NOX4: variants seen among roughly 807,000 people sequenced by gnomAD.
NOX4 encodes the protein kidney oxidase-1.
A neutral mutation model predicts 87.6 loss-of-function variants in NOX4; 69 were observed. The ratio of observed to expected loss-of-function variants is 0.79; its 90% CI spans 0.65 to 0.96. The LOEUF is 0.96. Among genes scored for constraint, NOX4 ranks in the 40% least tolerant of loss-of-function variants. The pLI, the probability that NOX4 is intolerant of heterozygous loss-of-function variation, is 0.00. For synonymous variants in NOX4, 275 were observed against 238.2 expected (o/e 1.15, Z -1.42); for missense variants, 680 against 681.5 (o/e 1.00, Z 0.02).
chr11:89,399,313 A>G (rs1002379562), intron 11 of NOX4, among the ~76,000 whole-genome samples: 2 of 150,256 alleles, frequency 1.3e-5, no homozygotes, highest in African/African-American at 4.9e-5. Context: ...TTTCCACCTC[A>G]ACCCAGAGTA....
At chr11:89,489,139 T>A in intron 2 of NOX4, 1 of 560,492 alleles carries the variant, frequency 1.8e-6, no homozygotes, top group Non-Finnish European at 3.1e-6. Context: ...TATAAAAAAT[T>A]AATTAATTAA....
Position 89,440,717 on chromosome 11 carries a change from T to C in NOX4, c.448-2A>G, listed in dbSNP as rs559682217. On this transcript the variant is annotated splice_acceptor_variant, in intron 5 of 17. Coordinates refer to ENST00000263317, the MANE Select transcript of NOX4 (RefSeq NM_016931.5). LOFTEE classifies it high-confidence loss of function. Reference sequence around the variant, plus strand: ...TGTGAAGAGAAGTTTTCTAGGATCCTGAGAAAAAGAAAAAAAAATAAATGA... The same window carrying C: ...TGTGAAGAGAAGTTTTCTAGGATCCCGAGAAAAAGAAAAAAAAATAAATGA... 1.4e-5 allele frequency: 21 copies of C among 1,517,262 alleles called. No individual in the cohort carries two copies. The South Asian group carries it at 1.9e-4, about 14-fold the overall frequency. 94.0% of individuals were successfully genotyped at this position (1,517,262 alleles called of 1,614,324 possible). A position where few individuals can be genotyped will look rare whatever the true frequency, so the allele number is the denominator to read the frequency against.
chr11:89,473,464 C>CA (rs57686439), intron 2 of NOX4, among the ~76,000 whole-genome samples: 11,816 of 141,808 alleles, frequency 0.083, 692 homozygotes, highest in South Asian at 0.23. Context: ...CCTGAATAAA[C>CA]AAAAAAAAAA....
Position 89,326,966 on chromosome 11 carries a change from T to C in NOX4, c.1617-90A>G, listed in dbSNP as rs1464725931. The C allele has an allele frequency of 2.5e-6, 3 of 1,207,662 alleles. No homozygotes were observed. The African/African-American group carries it at 4.7e-5, about 19-fold the overall frequency. 74.8% of individuals were successfully genotyped at this position (1,207,662 alleles called of 1,614,324 possible). On this transcript the variant is annotated intron_variant, in intron 17 of 17. Transcript: ENST00000263317. ...TGCTTTATGAGCATGGTTTAAAGTA[T>C]TAACAAAGTTGATTTCTTGCTATTT... is the stretch of plus-strand genomic sequence containing the variant.
At chr11:89,525,279 G>A in the NOX4 span, among the ~76,000 whole-genome samples, 5 of 152,116 alleles carry the variant, frequency 3.3e-5, no homozygotes, top group African/African-American at 7.2e-5. Context: ...TATGTTTAAC[G>A]TTATAAGAAA....
At chr11:89,530,732 G>A in the NOX4 span, among the ~76,000 whole-genome samples, 2 of 151,926 alleles carry the variant, frequency 1.3e-5, no homozygotes, top group African/African-American at 4.8e-5. Context: ...CTCCTTCCTG[G>A]CCAGAGTTAA....
intron 12 of NOX4, among the ~76,000 whole-genome samples, chr11:89,360,319 C>A (rs1024016741): frequency 2.6e-5 from 4 of 151,968 alleles, no homozygotes; most frequent in African/African-American, 9.7e-5. Context: ...GAAAAGACAC[C>A]GTTGCCAAGT....
At chr11:89,369,351 C>A (rs1470072575) in intron 12 of NOX4, among the ~76,000 whole-genome samples, 1 of 151,988 alleles carries the variant, frequency 6.6e-6, no homozygotes, top group Non-Finnish European at 1.5e-5. Flanking sequence ...GGCTAAGTGG[C>A]AGGAGATAGA....
At chr11:89,404,551 T>C (rs1368330491) in intron 8 of NOX4, among the ~76,000 whole-genome samples, 1 of 152,152 alleles carries the variant, frequency 6.6e-6, no homozygotes, top group Non-Finnish European at 1.5e-5. Flanking sequence ...GGGAAATGTA[T>C]ATGCATTTTA....
chr11:89,427,579 A>G (rs1252784142), intron 7 of NOX4, among the ~76,000 whole-genome samples: 1 of 152,218 alleles, frequency 6.6e-6, no homozygotes, highest in African/African-American at 2.4e-5. Flanking sequence ...GACGAATGAC[A>G]AGCTTCAGTA....
rs1945199214 is a variant in NOX4 at position 89,325,865 on chromosome 11, GA to G, written c.*890del. ...TAGAGACAAAAATGCTGAAAAAAGG[GA>G]AAAGTTATTAGTATATGTGTATATA... On this transcript the variant is annotated 3_prime_UTR_variant, in exon 18 of 18. Transcript: ENST00000263317. The G allele has an allele frequency of 6.8e-6, 1 of 147,306 alleles. No individual in the cohort carries two copies. The highest frequency in any genetic ancestry group is 2.5e-5 in the African/African-American group (1 of 40,084). 9.1% of individuals were successfully genotyped at this position (147,306 alleles called of 1,614,324 possible).
the NOX4 span, among the ~76,000 whole-genome samples, chr11:89,578,941 G>A: frequency 5.9e-5 from 9 of 152,236 alleles, no homozygotes; most frequent in East Asian, 1.5e-3. Context: ...TAAACAAATT[G>A]CAGCACTTAC....
At chr11:89,353,297 T>C (rs1937703797) in intron 13 of NOX4, among the ~76,000 whole-genome samples, 1 of 152,266 alleles carries the variant, frequency 6.6e-6, no homozygotes, top group African/African-American at 2.4e-5. Context: ...AAGAGCCAAC[T>C]GATGCAGCAA....
At chr11:89,506,940 CAT>C in the NOX4 span, among the ~76,000 whole-genome samples, 2 of 151,806 alleles carry the variant, frequency 1.3e-5, no homozygotes, top group African/African-American at 2.4e-5. Flanking sequence ...CTGGTATACT[CAT>C]ACAATGCAAT....
the NOX4 span, among the ~76,000 whole-genome samples, chr11:89,547,141 C>T: frequency 6.6e-6 from 1 of 152,026 alleles, no homozygotes; most frequent in Non-Finnish European, 1.5e-5. Flanking sequence ...TCATCCTTTC[C>T]CCAAATGACC....
chr11:89,572,757 G>A, the NOX4 span, among the ~76,000 whole-genome samples: 2 of 151,798 alleles, frequency 1.3e-5, no homozygotes, highest in Admixed American at 1.3e-4. Flanking sequence ...CAACCTTTCT[G>A]TATTTTCTTT....
intron 11 of NOX4, among the ~76,000 whole-genome samples, chr11:89,398,261 C>T (rs1352439128): frequency 6.6e-6 from 1 of 152,096 alleles, no homozygotes; most frequent in Admixed American, 6.6e-5. Flanking sequence ...CAACAAAATT[C>T]AGCAGCCCTT....
intron 1 of NOX4, among the ~76,000 whole-genome samples, chr11:89,497,461 T>C (rs1045822420): frequency 6.6e-6 from 1 of 152,126 alleles, no homozygotes; most frequent in African/African-American, 2.4e-5. Flanking sequence ...ACTATTAGAA[T>C]CCACATTAAA....
chr11:89,465,469 T>A (rs1945642524), intron 2 of NOX4, among the ~76,000 whole-genome samples: 1 of 151,902 alleles, frequency 6.6e-6, no homozygotes, highest in Non-Finnish European at 1.5e-5. Flanking sequence ...CTTTATAGAA[T>A]GATTTATAAC....
Sources: allele counts gnomAD v4.1 joint callset (sites outside exome capture counted in the v4.1 genomes callset), GRCh38; gene constraint gnomAD v4.1.1; transcripts MANE v1.5; gene names NCBI Gene and HGNC (gene_info 2026-07-23, HGNC 2026-07-21).